Variants in ZNF518B observed in about 807,000 individuals in gnomAD.
The protein encoded by ZNF518B is zinc finger protein 518B.
Under a neutral mutation model 56.3 loss-of-function variants are expected in ZNF518B, and 23 were observed. That is an observed-to-expected ratio of 0.41 (90% CI 0.29 to 0.58). The LOEUF (loss-of-function observed/expected upper bound fraction) is 0.58, where lower values mean the gene tolerates loss of function less well. ZNF518B is among the 20% of genes least tolerant of loss of function. The probability of loss-of-function intolerance (pLI) is 0.32; values close to 1 mark genes in which losing one functional copy is unlikely to be tolerated. For missense variants in ZNF518B, 1,460 were observed against 1,272.1 expected, an observed-to-expected ratio of 1.15 and a Z score of -2.25; for synonymous variants, 529 against 465.9, an observed-to-expected ratio of 1.14 and a Z score of -1.74.
At chr4:10,452,873 T>C (rs545637889) in intron 2 of ZNF518B, 2 of 152,308 alleles carry the variant, frequency 1.3e-5, no homozygotes, top group South Asian at 2.1e-4. Flanking sequence ...TGCCGACAAA[T>C]GTACCCATGC....
Position 10,444,465 on chromosome 4 carries a change from C to CA in ZNF518B, c.1863dup (p.Glu622Ter). On this transcript the variant is annotated frameshift_variant, in exon 3 of 3. Coordinates refer to ENST00000326756, the MANE Select transcript of ZNF518B (RefSeq NM_053042.3). LOFTEE classifies it high-confidence loss of function. ...CCATCATTAGTGTTGTTAGTCCTTTCAGAATTCTTTAATTCCAAAGGCTTA... is the reference window on the plus strand; with the variant it reads ...CCATCATTAGTGTTGTTAGTCCTTTCAAGAATTCTTTAATTCCAAAGGCTTA... The CA allele has an allele frequency of 6.2e-7, 1 of 1,614,144 alleles. No homozygotes were observed. Among genetic ancestry groups the CA allele is most frequent in the Non-Finnish European group, 8.5e-7 (1 of 1,180,032 alleles).
At chr4:10,460,557 C>CCTT (rs1331346460), upstream of ZNF518B, among the ~76,000 whole-genome samples, 3 of 151,984 alleles carry the variant, frequency 2.0e-5, no homozygotes, top group Non-Finnish European at 4.4e-5. Flanking sequence ...TGTACAAAGG[C>CCTT]CCTGAGGTGG....
In ZNF518B at chr4:10,443,478, C is replaced by T. The variant is rs771950683; in HGVS notation, c.2851G>A (p.Val951Met). Residue 951 changes from valine (V) to methionine (M), a missense_variant, in exon 3 of 3, where the codon GTG (valine) becomes ATG (methionine). Physicochemically the swap from Val to Met is conservative, Grantham distance 21. Coordinates refer to ENST00000326756, the MANE Select transcript of ZNF518B (RefSeq NM_053042.3). ...ACATTGGTCACTTCTGGCGAGTCCA[C>T]ATCAGGGTGGTTTAACACAATGACT... ...QPVIVLNHPD[V>M]DSPEVTNVMK... 2 of 1,614,166 alleles carry T rather than the reference C, an allele frequency of 1.2e-6. No homozygotes were observed. The highest frequency in any genetic ancestry group is 8.5e-7 in the Non-Finnish European group (1 of 1,179,996).
chr4:10,447,679 C>G (rs1054538346), intron 2 of ZNF518B, among the ~76,000 whole-genome samples: 1 of 118,542 alleles, frequency 8.4e-6, no homozygotes, highest in Non-Finnish European at 1.7e-5. Context: ...GACAGTGTTT[C>G]ACTCTTGTTG....
chr4:10,453,555 T>G (rs550172600), intron 2 of ZNF518B: 1 of 135,998 alleles, frequency 7.4e-6, no homozygotes, highest in South Asian at 2.3e-4. Flanking sequence ...TGTCTAAAAC[T>G]TTGTATGTGA....
upstream of ZNF518B, among the ~76,000 whole-genome samples, chr4:10,460,324 C>CAAA (rs1715706695): frequency 1.1e-4 from 2 of 17,398 alleles, no homozygotes; most frequent in Admixed American, 1.0e-3. Flanking sequence ...AAAAAAAAAA[C>CAAA]CAAAAAAAAA....
rs1446929582 is a variant in ZNF518B at position 10,440,636 on chromosome 4, T to C, written c.*2468A>G. Reference sequence around the variant, plus strand: ...TTTAATTCCTTAAAAAGTATTCTAGTTCTGAAAATCCTAAAAAGCTTTGCT... The same window carrying C: ...TTTAATTCCTTAAAAAGTATTCTAGCTCTGAAAATCCTAAAAAGCTTTGCT... On this transcript the variant is annotated 3_prime_UTR_variant, in exon 3 of 3. Coordinates refer to ENST00000326756, the MANE Select transcript of ZNF518B (RefSeq NM_053042.3). 6.6e-6 allele frequency: 1 copy of C among 152,398 alleles called. No individual in the cohort carries two copies. The allele number at this position is 152,398 out of a possible 1,614,324, so 9.4% of individuals were successfully genotyped here. A position where few individuals can be genotyped will look rare whatever the true frequency, so the allele number is the denominator to read the frequency against.
At chr4:10,460,551 C>CA (rs1300091904), upstream of ZNF518B, among the ~76,000 whole-genome samples, 3 of 152,068 alleles carry the variant, frequency 2.0e-5, no homozygotes, top group Non-Finnish European at 4.4e-5. Context: ...AGAGCATGTA[C>CA]AAAGGCCCTG....
Position 10,454,948 on chromosome 4 carries a change from A to T in ZNF518B, c.-355T>A, listed in dbSNP as rs1715467155. The stretch of plus-strand genomic sequence containing the variant: ...CTCAGGCCCTGGTGTAGGCTTCTAC[A>T]TCAGAACCCTGGGCGTCAGCAAGGC... On this transcript the variant is annotated 5_prime_UTR_variant, in exon 2 of 3. An upstream start codon of the reference 5' UTR is lost. Transcript: ENST00000326756. 6.6e-6 allele frequency: 1 copy of T among 152,248 alleles called. No individual in the cohort carries two copies. The highest frequency in any genetic ancestry group is 2.4e-5 in the African/African-American group (1 of 41,436). The allele number at this position is 152,248 out of a possible 1,614,324, so 9.4% of individuals were successfully genotyped here.
At position 10,444,541 on chromosome 4, in the gene ZNF518B, C is replaced by G. The variant is rs527390357; in HGVS notation, c.1788G>C (p.Glu596Asp). Residue 596 changes from glutamate to aspartate, a missense_variant, in exon 3 of 3, where the codon GAG becomes GAC. Glu to Asp is a conservative substitution (Grantham distance 45, BLOSUM62 2). Transcript: ENST00000326756. Reference sequence around the variant, plus strand: ...CTCCAGTTATGTTTATATGTAAATACTCACTCTTATGTTGAGAGGAAATCT... The same window carrying G: ...CTCCAGTTATGTTTATATGTAAATAGTCACTCTTATGTTGAGAGGAAATCT... ...VGQISSQHKS[E>D]YLHINITGED... 797 of 1,614,132 alleles carry G rather than the reference C, an allele frequency of 4.9e-4. 10 individuals carry two copies. The South Asian group carries it at 7.6e-3, about 15-fold the overall frequency.
At chr4:10,451,027 G>A (rs781309392) in intron 2 of ZNF518B, 1 of 152,190 alleles carries the variant, frequency 6.6e-6, no homozygotes. Context: ...AAAGGCAAGA[G>A]GCACGGTGTG....
In ZNF518B at chr4:10,444,202, T is replaced by C; in HGVS notation, c.2127A>G (p.Glu709=). 1 of 1,614,218 alleles carries C rather than the reference T, an allele frequency of 6.2e-7. No individual in the cohort carries two copies. Among genetic ancestry groups the C allele is most frequent in the Non-Finnish European group, 8.5e-7 (1 of 1,180,042 alleles). The change falls in exon 3 of 3, where the codon GAA becomes GAG. Residue 709 remains glutamate, a synonymous_variant. Coordinates refer to ENST00000326756, the MANE Select transcript of ZNF518B (RefSeq NM_053042.3). ...TSKATSEGIQ[E]INVSLTGLGH... ...CAAGACCAGTGAGTGACACGTTGATTTCTTGAATACCTTCAGAGGTAGCTT... is the reference window on the plus strand; with the variant it reads ...CAAGACCAGTGAGTGACACGTTGATCTCTTGAATACCTTCAGAGGTAGCTT...
In ZNF518B at chr4:10,457,413, G is replaced by C. The variant is rs929067094; in HGVS notation, c.-492C>G. Reference sequence around the variant, plus strand: ...CCGCGCCCGCTGTAGGTCCCTACCCGGGGGGCGGAGCCCGCGCCAGCCCCG... The same window carrying C: ...CCGCGCCCGCTGTAGGTCCCTACCCCGGGGGCGGAGCCCGCGCCAGCCCCG... On this transcript the variant is annotated 5_prime_UTR_variant, in exon 1 of 3. Transcript: ENST00000326756. 1 of 151,810 alleles carries C rather than the reference G, an allele frequency of 6.6e-6. No individual in the cohort carries two copies. The highest frequency in any genetic ancestry group is 1.9e-4 in the East Asian group (1 of 5,162). The allele number at this position is 151,810 out of a possible 1,614,324, so 9.4% of individuals were successfully genotyped here. A position where few individuals can be genotyped will look rare whatever the true frequency, so the allele number is the denominator to read the frequency against.
rs374258052 is a variant in ZNF518B, at chr4:10,456,967, G to T, written c.-396+350C>A. Reference sequence around the variant, plus strand: ...CCGCCTCGGTCGCCCCGGCGCGTCGGCCGAGTCCGCGGGGTCGCGGCGCAC... The same window carrying T: ...CCGCCTCGGTCGCCCCGGCGCGTCGTCCGAGTCCGCGGGGTCGCGGCGCAC... On this transcript the variant is annotated intron_variant, in intron 1 of 2. Transcript: ENST00000326756. 1.1e-4 allele frequency among the ~76,000 whole-genome samples: 16 copies of T among 150,674 alleles called. No homozygotes were observed. The South Asian group carries it at 3.3e-3, about 31-fold the overall frequency.
intron 2 of ZNF518B, among the ~76,000 whole-genome samples, chr4:10,448,035 G>T (rs948393218): frequency 1.3e-5 from 2 of 152,108 alleles, no homozygotes; most frequent in Admixed American, 6.5e-5. Flanking sequence ...ATTCTAGTTT[G>T]GAATCTGCTA....
upstream of ZNF518B, among the ~76,000 whole-genome samples, chr4:10,458,405 C>T (rs997144994): frequency 1.3e-5 from 2 of 152,168 alleles, no homozygotes; most frequent in East Asian, 1.9e-4. Context: ...TCGGCGTGCA[C>T]GGACAGCGGC....
In ZNF518B at chr4:10,444,854, T is replaced by C. The variant is rs770870650; in HGVS notation, c.1475A>G (p.Asn492Ser). 5 of 1,613,818 alleles carry C rather than the reference T, an allele frequency of 3.1e-6. No individual in the cohort carries two copies. The African/African-American group carries it at 5.3e-5, about 17-fold the overall frequency. ...KGHSLASVFK[N>S]SVLRSLGAAS... The stretch of plus-strand genomic sequence containing the variant: ...AGCTCCAAGACTACGTAAAACACTG[T>C]TTTTAAATACAGATGCTAGAGAATG... Residue 492 changes from asparagine to serine, a missense_variant, in exon 3 of 3, where the codon AAC (asparagine) becomes AGC (serine). Transcript: ENST00000326756.
chr4:10,456,436 G>A (rs997178533), intron 1 of ZNF518B, among the ~76,000 whole-genome samples: 1 of 151,972 alleles, frequency 6.6e-6, no homozygotes, highest in African/African-American at 2.4e-5. Flanking sequence ...GGTATGGGGA[G>A]GTCCCACAAT....
At chr4:10,455,248 C>CTA (rs1198105753) in intron 1 of ZNF518B, among the ~76,000 whole-genome samples, 1 of 152,214 alleles carries the variant, frequency 6.6e-6, no homozygotes, top group African/African-American at 2.4e-5. Flanking sequence ...CACCCTCACC[C>CTA]TATGATGACA....
Sources: allele counts gnomAD v4.1 joint callset (sites outside exome capture counted in the v4.1 genomes callset), GRCh38; gene constraint gnomAD v4.1.1; transcripts MANE v1.5; gene names NCBI Gene and HGNC (gene_info 2026-07-23, HGNC 2026-07-21).